The following POP1 variants were observed in gnomAD, a reference collection of about 807,000 sequenced individuals.
POP1 encodes the protein ribonucleases P/MRP protein subunit POP1.
Under a neutral mutation model 102.2 loss-of-function variants are expected in POP1, and 75 were observed. That is an observed-to-expected ratio of 0.73 (90% CI 0.61 to 0.89). The LOEUF (loss-of-function observed/expected upper bound fraction) is 0.89. Ranked by LOEUF, POP1 falls within the 40% of genes least tolerant of loss-of-function variation. The pLI is 0.00. For missense variants in POP1, 1,116 were observed against 1,267.4 expected (o/e 0.88, Z 1.81); for synonymous variants, 436 against 464.1 (o/e 0.94, Z 0.78).
intron 2 of POP1, among the ~76,000 whole-genome samples, chr8:98,123,738 C>G (rs1024496639): frequency 2.0e-5 from 3 of 150,442 alleles, no homozygotes; most frequent in African/African-American, 7.4e-5. Flanking sequence ...GATCATGACA[C>G]TGCACTCCAG....
intron 9 of POP1, among the ~76,000 whole-genome samples, chr8:98,137,531 G>C (rs570670723): frequency 2.0e-5 from 3 of 152,060 alleles, no homozygotes; most frequent in Non-Finnish European, 2.9e-5. Flanking sequence ...CAGGTGATCC[G>C]CCCACCTTGG....
chr8:98,141,586 C>T lies in POP1; in HGVS notation c.1594+698C>T, dbSNP rs148772580. On this transcript the variant is annotated intron_variant, in intron 11 of 15. Coordinates refer to ENST00000401707, the MANE Select transcript of POP1 (RefSeq NM_001145860.2). ...TTTTTTTTTTTTTGAGATGGAATCTCGCTTTTGTCACCCAGGCTGGAGTGC... is the reference window on the plus strand; with the variant it reads ...TTTTTTTTTTTTTGAGATGGAATCTTGCTTTTGTCACCCAGGCTGGAGTGC... Among the ~76,000 whole-genome samples, 949 of 149,792 alleles carry T rather than the reference C, an allele frequency of 6.3e-3. 4 individuals carry two copies. The highest frequency in any genetic ancestry group is 7.9e-3 in the Non-Finnish European group (531 of 67,518).
At position 98,158,880 on chromosome 8, in the gene POP1, T is replaced by A. The variant is rs1809730049; in HGVS notation, c.*609T>A. 1 of 152,274 alleles carries A rather than the reference T, an allele frequency of 6.6e-6. No individual in the cohort carries two copies. The highest frequency in any genetic ancestry group is 2.4e-5 in the African/African-American group (1 of 41,452). 9.4% of individuals were successfully genotyped at this position (152,274 alleles called of 1,614,324 possible). A position where few individuals can be genotyped will look rare whatever the true frequency, so the allele number is the denominator to read the frequency against. ...AATTAGAAAGTGGGGGTCTATGACG[T>A]GGACTTCCTGACTCTTTGATCTCTT... is the stretch of plus-strand genomic sequence containing the variant. On this transcript the variant is annotated 3_prime_UTR_variant, in exon 16 of 16. Coordinates refer to ENST00000401707, the MANE Select transcript of POP1 (RefSeq NM_001145860.2).
In POP1 at chr8:98,156,393, A is replaced by G. The variant is rs751356864; in HGVS notation, c.2401A>G (p.Ser801Gly). The G allele has an allele frequency of 1.2e-5, 19 of 1,613,658 alleles. 1 individual carries two copies. The South Asian group carries it at 1.8e-4, about 15-fold the overall frequency. ...TGAAAACCATGTTGCTGCCACAGGG[A>G]GTCACCTCTGCGTTCTCAGGTAAGT... ...ASENHVAATGSHLCVLRSRKL... is the reference protein window; with the variant it reads ...ASENHVAATGGHLCVLRSRKL... The change falls in exon 15 of 16, where the codon AGT becomes GGT. Residue 801 changes from serine (S) to glycine (G), a missense_variant. Coordinates refer to ENST00000401707, the MANE Select transcript of POP1 (RefSeq NM_001145860.2).
intron 5 of POP1, among the ~76,000 whole-genome samples, chr8:98,131,561 C>T (rs1311010883): frequency 1.3e-5 from 2 of 152,188 alleles, no homozygotes; most frequent in East Asian, 3.8e-4. Flanking sequence ...CTGCTGTGAA[C>T]ATGGATATGC....
intron 2 of POP1, among the ~76,000 whole-genome samples, chr8:98,127,337 A>G (rs923968467): frequency 2.0e-5 from 3 of 152,124 alleles, no homozygotes; most frequent in African/African-American, 7.2e-5. Context: ...TTTCACCTGT[A>G]TCTGTTATAT....
At position 98,150,735 on chromosome 8, in the gene POP1, T is replaced by A. The variant is rs1415699515; in HGVS notation, c.2057+96T>A. 3.4e-6 allele frequency: 4 copies of A among 1,186,572 alleles called. No individual in the cohort carries two copies. In the Admixed American group the frequency reaches 7.8e-5, roughly 23 times the overall value. 73.5% of individuals were successfully genotyped at this position (1,186,572 alleles called of 1,614,324 possible). A position where few individuals can be genotyped will look rare whatever the true frequency, so the allele number is the denominator to read the frequency against. ...CAAACATTAGGATGGCTTTGGTAAT[T>A]TCATAGACTTTTCAGTGAGTTCAGC... is the stretch of plus-strand genomic sequence containing the variant. On this transcript the variant is annotated intron_variant, in intron 14 of 15. Coordinates refer to ENST00000401707, the MANE Select transcript of POP1 (RefSeq NM_001145860.2).
Position 98,134,558 on chromosome 8 carries a change from A to T in POP1, c.910A>T (p.Met304Leu). ...LYRVNKYPREMLGPVTFIWKS... is the reference protein window; with the variant it reads ...LYRVNKYPRELLGPVTFIWKS... Reference sequence around the variant, plus strand: ...TCGGGTGAATAAATATCCCAGAGAAATGCTTGGGCCTGTTACGTTTATCTG... The same window carrying T: ...TCGGGTGAATAAATATCCCAGAGAATTGCTTGGGCCTGTTACGTTTATCTG... Residue 304 changes from methionine (M) to leucine (L), a missense_variant, in exon 7 of 16, where the codon ATG (methionine) becomes TTG (leucine). By Grantham distance (15) the Met-to-Leu change is conservative. Transcript: ENST00000401707. 2 of 1,614,190 alleles carry T rather than the reference A, an allele frequency of 1.2e-6. No individual in the cohort carries two copies. Among genetic ancestry groups the T allele is most frequent in the Non-Finnish European group, 1.7e-6 (2 of 1,180,016 alleles).
chr8:98,118,231 G>C (rs1279622636), intron 1 of POP1, among the ~76,000 whole-genome samples: 2 of 152,048 alleles, frequency 1.3e-5, no homozygotes, highest in African/African-American at 2.4e-5. Context: ...GCCTCCCCTT[G>C]CCTATTCAAG....
intron 11 of POP1, among the ~76,000 whole-genome samples, chr8:98,141,426 T>C (rs1586242632): frequency 1.3e-5 from 2 of 152,148 alleles, no homozygotes; most frequent in Admixed American, 1.3e-4. Flanking sequence ...TGTTCTGATA[T>C]GAGATTGGCA....
chr8:98,123,550 G>C, intron 2 of POP1, 71 bp downstream of exon 2: 1 of 1,454,856 alleles, frequency 6.9e-7, no homozygotes, highest in Non-Finnish European at 9.5e-7. Flanking sequence ...AGGCTGAAGT[G>C]GGCGGTTCAT....
intron 2 of POP1, among the ~76,000 whole-genome samples, chr8:98,125,204 G>A (rs1423489837): frequency 3.4e-5 from 1 of 29,110 alleles, no homozygotes; most frequent in Non-Finnish European, 7.1e-5. Context: ...TTTTTTTTTT[G>A]AGGCAGAGTC....
At chr8:98,123,812 A>G (rs543583796) in intron 2 of POP1, among the ~76,000 whole-genome samples, 1 of 151,066 alleles carries the variant, frequency 6.6e-6, no homozygotes, top group Non-Finnish European at 1.5e-5. Context: ...TGCTCTCTCC[A>G]CTCCCATTTT....
Position 98,148,832 on chromosome 8 carries a change from G to A in POP1, c.1728G>A (p.Arg576=). The A allele has an allele frequency of 3.1e-6, 5 of 1,613,270 alleles. No individual in the cohort carries two copies. The highest frequency in any genetic ancestry group is 4.2e-6 in the Non-Finnish European group (5 of 1,179,588). ...KISDQDLNRM[R]SELLVPGSQL... is the part of the protein sequence containing the mutation. The stretch of plus-strand genomic sequence containing the variant: ...CACTTTAGGATTTAAACCGGATGAG[G>A]AGTGAATTGCTGGTGCCTGGGTCAC... The change falls in exon 13 of 16, where the codon AGG becomes AGA. Residue 576 remains arginine (R), a synonymous_variant. Transcript: ENST00000401707.
chr8:98,120,293 C>G (rs900518602), intron 1 of POP1, among the ~76,000 whole-genome samples: 17 of 152,202 alleles, frequency 1.1e-4, no homozygotes, highest in Non-Finnish European at 2.2e-4. Context: ...AGCTGTCTTT[C>G]ATTTAGTTGA....
Position 98,123,485 on chromosome 8 carries a change from A to G in POP1, c.142+6A>G. On this transcript the variant is annotated splice_donor_region_variant and intron_variant, in intron 2 of 15. Transcript: ENST00000401707. ...TTTCCAAGCTCAAAAACAAGGTAAA[A>G]TACACATAAGAGACCAGGCATGGTG... 1 of 1,613,158 alleles carries G rather than the reference A, an allele frequency of 6.2e-7. No individual in the cohort carries two copies. Among genetic ancestry groups the G allele is most frequent in the Non-Finnish European group, 8.5e-7 (1 of 1,179,374 alleles).
At chr8:98,128,130 C>T (rs1816267364) in intron 3 of POP1, among the ~76,000 whole-genome samples, 1 of 152,188 alleles carries the variant, frequency 6.6e-6, no homozygotes, top group Non-Finnish European at 1.5e-5. Context: ...ATTTAAAGGG[C>T]CTGTCTCCAG....
chr8:98,131,891 A>G (rs1816393088), intron 5 of POP1, among the ~76,000 whole-genome samples: 2 of 152,186 alleles, frequency 1.3e-5, no homozygotes, highest in African/African-American at 4.8e-5. Context: ...ATAATAGTCA[A>G]GTTCCTCATT....
chr8:98,156,205 TAAG>T lies in POP1; in HGVS notation c.2218_2220del (p.Arg740del). Reference sequence around the variant, plus strand: ...TCTCCAAATGGTAAGGAGAGTGACCTAAGAAGATCTGAGGTGCCTTGTGCTCCC... The same window carrying T: ...TCTCCAAATGGTAAGGAGAGTGACCTAAGATCTGAGGTGCCTTGTGCTCCC... On this transcript the variant is annotated inframe_deletion, in exon 15 of 16. Transcript: ENST00000401707. The T allele has an allele frequency of 4.3e-6, 7 of 1,614,022 alleles. No individual in the cohort carries two copies. Among genetic ancestry groups the T allele is most frequent in the Non-Finnish European group, 5.9e-6 (7 of 1,180,000 alleles).
Sources: allele counts gnomAD v4.1 joint callset (sites outside exome capture counted in the v4.1 genomes callset), GRCh38; gene constraint gnomAD v4.1.1; transcripts MANE v1.5; gene names NCBI Gene and HGNC (gene_info 2026-07-23, HGNC 2026-07-21).